Variants in SCAPER observed in about 807,000 individuals in gnomAD.
SCAPER encodes the protein S phase cyclin A-associated protein in the endoplasmic reticulum.
A neutral mutation model predicts 182.2 loss-of-function variants in SCAPER; 98 were observed. That is an observed-to-expected ratio of 0.54 (90% CI 0.46 to 0.64). SCAPER has a LOEUF of 0.64. SCAPER is among the 30% of genes least tolerant of loss of function. SCAPER has a pLI of 0.00. For synonymous variants in SCAPER, 605 were observed against 564.6 expected (o/e 1.07, Z -1.01); for missense variants, 1,432 against 1,690.0 (o/e 0.85, Z 2.68).
At chr15:76,662,328 A>T (rs2146712828) in intron 21 of SCAPER, among the ~76,000 whole-genome samples, 1 of 152,290 alleles carries the variant, frequency 6.6e-6, no homozygotes, top group South Asian at 2.1e-4. Flanking sequence ...GTATCCTGGG[A>T]CTTATAGTAA....
intron 14 of SCAPER, among the ~76,000 whole-genome samples, chr15:76,755,574 T>C (rs12912475): frequency 0.032 from 4,811 of 152,262 alleles, 120 homozygotes; most frequent in Non-Finnish European, 0.048. Flanking sequence ...TGTTAGGTAC[T>C]TGTAGTATGG....
chr15:76,753,793 G>T lies in SCAPER; in HGVS notation c.1866+15C>A. The T allele has an allele frequency of 6.2e-6, 10 of 1,604,120 alleles. No homozygotes were observed. Among genetic ancestry groups the T allele is most frequent in the Non-Finnish European group, 8.5e-6 (10 of 1,174,794 alleles). ...TTGGGTAATTAAGTCAACATTTAAA[G>T]CTCTTATGATATACCTTAGCTTCTT... On this transcript the variant is annotated intron_variant, in intron 15 of 31. Coordinates refer to ENST00000563290, the MANE Select transcript of SCAPER (RefSeq NM_020843.4).
chr15:76,369,135 G>A (rs907089490), intron 29 of SCAPER, among the ~76,000 whole-genome samples: 1 of 152,160 alleles, frequency 6.6e-6, no homozygotes, highest in African/African-American at 2.4e-5. Flanking sequence ...CCAGTTAATA[G>A]ACTAAATGGT....
chr15:76,792,049 A>G (rs958027189), intron 8 of SCAPER, among the ~76,000 whole-genome samples: 24 of 151,384 alleles, frequency 1.6e-4, no homozygotes, highest in African/African-American at 5.6e-4. Context: ...AAAAAAACCA[A>G]TAATTTTAGC....
chr15:76,636,835 C>A (rs1394658365), intron 21 of SCAPER, among the ~76,000 whole-genome samples: 1 of 152,078 alleles, frequency 6.6e-6, no homozygotes, highest in African/African-American at 2.4e-5. Context: ...CAGTTTTTGC[C>A]AATTAACTAT....
chr15:76,567,278 G>T (rs1248524928), intron 23 of SCAPER: 7 of 447,544 alleles, frequency 1.6e-5, no homozygotes, highest in Middle Eastern at 3.3e-4. Context: ...ACCATAATTT[G>T]TATCTCCAGC....
chr15:76,468,462 G>C (rs1458125827), intron 25 of SCAPER, among the ~76,000 whole-genome samples: 1 of 152,134 alleles, frequency 6.6e-6, no homozygotes, highest in Non-Finnish European at 1.5e-5. Context: ...AGAAACCTTA[G>C]GTTACAACGA....
chr15:76,736,367 A>C (rs554739958), intron 15 of SCAPER, among the ~76,000 whole-genome samples: 1 of 152,340 alleles, frequency 6.6e-6, no homozygotes, highest in South Asian at 2.1e-4. Flanking sequence ...ATTTCTTAAA[A>C]TAGGACAACA....
At chr15:76,800,448 G>T (rs1485527075) in intron 6 of SCAPER, 84 bp from the exon 7 acceptor site, 2 of 849,220 alleles carry the variant, frequency 2.4e-6, no homozygotes, top group African/African-American at 1.7e-5. Context: ...GTTAGTGGCT[G>T]AAAAAATAAT....
intron 27 of SCAPER, among the ~76,000 whole-genome samples, chr15:76,396,348 A>G (rs1464009369): frequency 6.6e-6 from 1 of 152,028 alleles, no homozygotes; most frequent in Admixed American, 6.5e-5. Flanking sequence ...TGTTTTTTCT[A>G]CTTCTGTGAA....
At chr15:76,658,698 C>T (rs2055874549) in intron 21 of SCAPER, among the ~76,000 whole-genome samples, 1 of 152,128 alleles carries the variant, frequency 6.6e-6, no homozygotes, top group Non-Finnish European at 1.5e-5. Flanking sequence ...ACCAAAACAG[C>T]ATGGTACTGG....
intron 23 of SCAPER, among the ~76,000 whole-genome samples, chr15:76,535,380 G>A (rs996740121): frequency 6.6e-6 from 1 of 151,812 alleles, no homozygotes; most frequent in African/African-American, 2.4e-5. Context: ...AAATTAGCCA[G>A]GCGTGGTGGC....
intron 5 of SCAPER, among the ~76,000 whole-genome samples, chr15:76,834,954 C>A (rs570108128): frequency 6.6e-6 from 1 of 152,042 alleles, no homozygotes. Context: ...AGATTCACAG[C>A]GGAATTCCAT....
chr15:76,379,209 G>C (rs1240544385), intron 28 of SCAPER, among the ~76,000 whole-genome samples: 1 of 152,104 alleles, frequency 6.6e-6, no homozygotes, highest in Non-Finnish European at 1.5e-5. Flanking sequence ...GAAGGGTAAA[G>C]GGTACCTGGA....
intron 23 of SCAPER, among the ~76,000 whole-genome samples, chr15:76,522,747 G>T (rs1429469866): frequency 6.6e-6 from 1 of 152,056 alleles, no homozygotes. Context: ...GGTCATGGTT[G>T]CACAGCTCTG....
chr15:76,633,027 G>A (rs557733501), intron 21 of SCAPER, among the ~76,000 whole-genome samples: 3 of 152,140 alleles, frequency 2.0e-5, no homozygotes, highest in East Asian at 1.9e-4. Context: ...CGCCTGCCTC[G>A]GCCTCCCAAA....
Position 76,864,555 on chromosome 15 carries a change from A to C in SCAPER, c.7-2022T>G, listed in dbSNP as rs964708871. 1.4e-4 allele frequency among the ~76,000 whole-genome samples: 22 copies of C among 152,182 alleles called. 1 individual carries two copies. The highest frequency in any genetic ancestry group is 1.1e-3 in the Admixed American group (17 of 15,258). On this transcript the variant is annotated intron_variant, in intron 2 of 31. Coordinates refer to ENST00000563290, the MANE Select transcript of SCAPER (RefSeq NM_020843.4). The stretch of plus-strand genomic sequence containing the variant: ...GTTAATTTTTACTCTTTTGGGGAAT[A>C]TGTGAAGAAAAAGCAATACATTATT...
At chr15:76,406,722 G>A (rs1024488508) in intron 26 of SCAPER, among the ~76,000 whole-genome samples, 1 of 152,124 alleles carries the variant, frequency 6.6e-6, no homozygotes, top group Non-Finnish European at 1.5e-5. Context: ...CCATTAGGGA[G>A]CAGACTGTAA....
Position 76,415,714 on chromosome 15 carries a change from TA to T in SCAPER, c.3312-11036del, listed in dbSNP as rs567895436. 8.5e-4 allele frequency among the ~76,000 whole-genome samples: 129 copies of T among 151,950 alleles called. 1 individual carries two copies. The highest frequency in any genetic ancestry group is 3.1e-3 in the African/African-American group (128 of 41,460). ...ATAGATACACACACATACACACATA[TA>T]AAAAATACATGAAATGATATACACA... On this transcript the variant is annotated intron_variant, in intron 26 of 31. Coordinates refer to ENST00000563290, the MANE Select transcript of SCAPER (RefSeq NM_020843.4).
Sources: gnomAD v4.1 joint callset for allele counts (sites outside exome capture counted in the v4.1 genomes callset) on GRCh38, gnomAD v4.1.1 for gene constraint, MANE v1.5 for transcripts, NCBI Gene and HGNC (gene_info 2026-07-23, HGNC 2026-07-21) for gene names.